PTP4A3: variants seen among roughly 807,000 people sequenced by gnomAD.
PTP4A3 encodes the protein protein tyrosine phosphatase type IVA 3.
In PTP4A3, 9 loss-of-function variants were observed where a neutral mutation model predicts 15.2. The observed-to-expected ratio is 0.59, with a 90% confidence interval of 0.36 to 1.03. PTP4A3 has a LOEUF of 1.03. Among genes scored for constraint, PTP4A3 ranks in the 50% least tolerant of loss-of-function variants. The pLI, the probability that PTP4A3 is intolerant of heterozygous loss-of-function variation, is 0.02. For missense variants in PTP4A3, 234 were observed against 252.1 expected, an observed-to-expected ratio of 0.93 and a Z score of 0.49; for synonymous variants, 95 against 102.0, an observed-to-expected ratio of 0.93 and a Z score of 0.41.
At chr8:141,422,906 C>G (rs1179019329) in intron 2 of PTP4A3, among the ~76,000 whole-genome samples, 1 of 152,238 alleles carries the variant, frequency 6.6e-6, no homozygotes, top group African/African-American at 2.4e-5. Flanking sequence ...GGACGAGATG[C>G]GTTTACAGAA....
chr8:141,398,563 G>A (rs1483701220), intron 1 of PTP4A3, among the ~76,000 whole-genome samples: 1 of 152,134 alleles, frequency 6.6e-6, no homozygotes, highest in African/African-American at 2.4e-5. Context: ...CCTGGAAATA[G>A]GGCATCAAGA....
At chr8:141,403,755 C>A (rs1446973781) in intron 1 of PTP4A3, among the ~76,000 whole-genome samples, 1 of 152,236 alleles carries the variant, frequency 6.6e-6, no homozygotes, top group African/African-American at 2.4e-5. Flanking sequence ...TGAGTGGTAA[C>A]GGAACACACA....
chr8:141,428,559 A>G (rs1272300374), intron 5 of PTP4A3, among the ~76,000 whole-genome samples: 2 of 152,202 alleles, frequency 1.3e-5, no homozygotes, highest in African/African-American at 4.8e-5. Flanking sequence ...TCTTCCTCCC[A>G]GAGGCAGGCT....
rs1439696300 is a variant in PTP4A3 at position 141,426,958 on chromosome 8, G to C, written c.218G>C (p.Gly73Ala). ...CCGTAGGACTGGCCGTTTGACGATGGGGCGCCCCCGCCCGGCAAGGTAGTG... is the reference window on the plus strand; with the variant it reads ...CCGTAGGACTGGCCGTTTGACGATGCGGCGCCCCCGCCCGGCAAGGTAGTG... ...ITVVDWPFDD[G>A]APPPGKVVED... The change falls in exon 4 of 6, where the codon GGG becomes GCG. Residue 73 changes from glycine (G) to alanine (A), a missense_variant. Coordinates refer to ENST00000521578, the MANE Select transcript of PTP4A3 (RefSeq NM_032611.3). 1 of 1,610,940 alleles carries C rather than the reference G, an allele frequency of 6.2e-7. No individual in the cohort carries two copies. The highest frequency in any genetic ancestry group is 8.5e-7 in the Non-Finnish European group (1 of 1,179,858).
chr8:141,418,018 G>A (rs1833133580), intron 1 of PTP4A3, among the ~76,000 whole-genome samples: 1 of 151,990 alleles, frequency 6.6e-6, no homozygotes, highest in African/African-American at 2.4e-5. Flanking sequence ...CTGCGGCGCG[G>A]GTGAGCCTGG....
At chr8:141,418,110 G>T (rs941471731) in intron 1 of PTP4A3, among the ~76,000 whole-genome samples, 1 of 152,048 alleles carries the variant, frequency 6.6e-6, no homozygotes, top group African/African-American at 2.4e-5. Context: ...AGGGCTGGGC[G>T]GGAGCCCCGC....
intron 5 of PTP4A3, among the ~76,000 whole-genome samples, chr8:141,429,363 C>T (rs2130358291): frequency 1.3e-5 from 2 of 152,370 alleles, no homozygotes; most frequent in African/African-American, 4.8e-5. Flanking sequence ...TCCAGAGGCG[C>T]TGGGTGGGCA....
Position 141,427,145 on chromosome 8 carries a change from A to T in PTP4A3, c.329+76A>T, listed in dbSNP as rs1017497454. The T allele has an allele frequency of 9.7e-5, 151 of 1,560,168 alleles. 1 individual carries two copies. The highest frequency in any genetic ancestry group is 4.9e-4 in the Admixed American group (28 of 57,022). ...CGTGGTCTGACAGCCTCGCTTTTGG[A>T]TGTGGGTCTTGAACACACGTCCACG... On this transcript the variant is annotated intron_variant, in intron 4 of 5. Transcript: ENST00000521578.
chr8:141,422,258 C>T lies in PTP4A3; in HGVS notation c.18C>T (p.Arg6=), dbSNP rs1200144984. The stretch of plus-strand genomic sequence containing the variant: ...GAGGCGCCATGGCTCGGATGAACCG[C>T]CCGGCCCCGGTGGAGGTGAGCTACA... The part of the protein sequence containing the change: MARMN[R]PAPVEVSYKH... Residue 6 remains arginine, a synonymous_variant, in exon 2 of 6, where the codon CGC becomes CGT. Transcript: ENST00000521578. 6.2e-7 allele frequency: 1 copy of T among 1,612,938 alleles called. No individual in the cohort carries two copies. Among genetic ancestry groups the T allele is most frequent in the African/African-American group, 1.3e-5 (1 of 74,946 alleles).
intron 1 of PTP4A3, among the ~76,000 whole-genome samples, chr8:141,415,784 A>AGGGGGGGGGGTGGGGT (rs1833027488): frequency 1.3e-5 from 1 of 74,178 alleles, no homozygotes; most frequent in African/African-American, 5.5e-5. Flanking sequence ...GGGTGGGGAG[A>AGGGGGGGGGGTGGGGT]GGGGATGGGA....
At position 141,425,993 on chromosome 8, in the gene PTP4A3, C is replaced by T. The variant is rs984093279; in HGVS notation, c.198+853C>T. On this transcript the variant is annotated intron_variant, in intron 3 of 5. Coordinates refer to ENST00000521578, the MANE Select transcript of PTP4A3 (RefSeq NM_032611.3). The surrounding 1 kb of genome is among the most constrained non-coding windows in gnomAD (Gnocchi z 4.2). ...GAAGAATGGGAGGCAAAGGCATGTC[C>T]CCGCTTCTCGCACGGGGTGCGCCCA... Among the ~76,000 whole-genome samples the T allele has an allele frequency of 1.3e-5, 2 of 152,198 alleles. No homozygotes were observed. The highest frequency in any genetic ancestry group is 2.9e-5 in the Non-Finnish European group (2 of 68,024).
chr8:141,423,848 G>A (rs1021707404), intron 2 of PTP4A3, among the ~76,000 whole-genome samples: 1 of 151,926 alleles, frequency 6.6e-6, no homozygotes, highest in Non-Finnish European at 1.5e-5. Context: ...CCAGGATCAG[G>A]GCTCAGTGTG....
chr8:141,394,239 C>G (rs1333693777), intron 1 of PTP4A3, among the ~76,000 whole-genome samples: 1 of 152,124 alleles, frequency 6.6e-6, no homozygotes, highest in African/African-American at 2.4e-5. Flanking sequence ...AGGCTGGTGT[C>G]CAGGTGGCAT....
chr8:141,392,070 C>A lies in PTP4A3; in HGVS notation c.-868C>A, dbSNP rs1422275864. 1 of 146,918 alleles carries A rather than the reference C, an allele frequency of 6.8e-6. No individual in the cohort carries two copies. Among genetic ancestry groups the A allele is most frequent in the Non-Finnish European group, 1.5e-5 (1 of 66,026 alleles). 9.1% of individuals were successfully genotyped at this position (146,918 alleles called of 1,614,324 possible). A position where few individuals can be genotyped will look rare whatever the true frequency, so the allele number is the denominator to read the frequency against. On this transcript the variant is annotated 5_prime_UTR_variant, in exon 1 of 6. Coordinates refer to ENST00000521578, the MANE Select transcript of PTP4A3 (RefSeq NM_032611.3). ...AGCCCTCCACCCGTCGTGCCGGCGC[C>A]GCCCGGACCGCCAGGTCAGTCTCCT...
rs1373303596 is a variant in PTP4A3 at position 141,427,785 on chromosome 8, G to A, written c.365G>A (p.Ser122Asn). 8 of 1,551,932 alleles carry A rather than the reference G, an allele frequency of 5.2e-6. No homozygotes were observed. The highest frequency in any genetic ancestry group is 7.0e-6 in the Non-Finnish European group (8 of 1,147,714). ...PVLVALALIE[S>N]GMKYEDAIQF... The stretch of plus-strand genomic sequence containing the variant: ...CTTGTGGCGCTGGCCCTTATTGAGA[G>A]CGGGATGAAGTACGAGGACGCCATC... The change falls in exon 5 of 6, where the codon AGC becomes AAC. Residue 122 changes from serine to asparagine, a missense_variant. Transcript: ENST00000521578.
chr8:141,424,997 G>GAGCCCTGCAGCCCCAGCCC (rs1833500442), intron 2 of PTP4A3, 51 bp from the exon 3 acceptor site: 2 of 1,499,326 alleles, frequency 1.3e-6, no homozygotes, highest in East Asian at 2.3e-5. Flanking sequence ...CCTGCCCCCT[G>GAGCCCTGCAGCCCCAGCCC]AGCCCTGCAG....
At chr8:141,394,677 G>A (rs535652155) in intron 1 of PTP4A3, among the ~76,000 whole-genome samples, 7 of 152,344 alleles carry the variant, frequency 4.6e-5, no homozygotes, top group Admixed American at 3.3e-4. Flanking sequence ...TTGGTCACAC[G>A]GGTGAACATG....
chr8:141,428,802 G>C (rs1372520666), intron 5 of PTP4A3, among the ~76,000 whole-genome samples: 1 of 144,390 alleles, frequency 6.9e-6, no homozygotes, highest in Non-Finnish European at 1.5e-5. Flanking sequence ...GCATACGCAG[G>C]CACACACTCA....
chr8:141,411,313 C>T (rs943413752), intron 1 of PTP4A3, among the ~76,000 whole-genome samples: 4 of 152,248 alleles, frequency 2.6e-5, no homozygotes, highest in Admixed American at 6.5e-5. Flanking sequence ...TAGCACTGCA[C>T]GTGCTTTTTG....
Sources: allele counts gnomAD v4.1 joint callset (sites outside exome capture counted in the v4.1 genomes callset), GRCh38; gene constraint gnomAD v4.1.1; non-coding constraint Gnocchi (gnomAD v3.1); transcripts MANE v1.5; gene names NCBI Gene and HGNC (gene_info 2026-07-23, HGNC 2026-07-21).